The following SETD3 variants were observed in gnomAD, a reference collection of about 807,000 sequenced individuals.
SETD3 encodes the protein actin-histidine N-methyltransferase.
SETD3 carries 19 observed loss-of-function variants against 63.0 expected under a neutral mutation model. The ratio of observed to expected loss-of-function variants is 0.30; its 90% CI spans 0.21 to 0.44. The LOEUF (loss-of-function observed/expected upper bound fraction) is 0.44, where lower values mean the gene tolerates loss of function less well. Ranked by LOEUF, SETD3 falls within the 20% of genes least tolerant of loss-of-function variation. The pLI is 1.00. For synonymous variants in SETD3, 286 were observed against 264.1 expected (o/e 1.08, Z -0.80); for missense variants, 587 against 728.5 (o/e 0.81, Z 2.24).
chr14:99,406,626 C>CA (rs761166385), intron 8 of SETD3, 36 bp from the exon 9 acceptor site: 386 of 1,569,592 alleles, frequency 2.5e-4, no homozygotes, highest in Non-Finnish European at 3.3e-4. Context: ...GATGGTGAGG[C>CA]AAACACACGC....
intron 6 of SETD3, among the ~76,000 whole-genome samples, chr14:99,454,674 G>A (rs904657845): frequency 5.9e-5 from 9 of 152,160 alleles, no homozygotes; most frequent in Non-Finnish European, 1.0e-4. Flanking sequence ...AACTCTGCTC[G>A]CTCAGCAACC....
chr14:99,405,092 G>A (rs1466927550), intron 10 of SETD3, 113 bp downstream of exon 10: 9 of 1,405,658 alleles, frequency 6.4e-6, no homozygotes, highest in Non-Finnish European at 7.6e-6. Flanking sequence ...GGGGATAAAC[G>A]GATTAAGACA....
intron 6 of SETD3, among the ~76,000 whole-genome samples, chr14:99,444,106 T>C (rs921183969): frequency 6.6e-6 from 1 of 152,106 alleles, no homozygotes; most frequent in Non-Finnish European, 1.5e-5. Context: ...AAGCTTGAAA[T>C]CTGAGGTACT....
chr14:99,447,201 G>A (rs965924153), intron 6 of SETD3, among the ~76,000 whole-genome samples: 11 of 152,080 alleles, frequency 7.2e-5, no homozygotes, highest in Admixed American at 5.2e-4. Context: ...TTAAACTCCC[G>A]ACCTCAGGTG....
chr14:99,441,648 G>A (rs1210246481), intron 6 of SETD3, among the ~76,000 whole-genome samples: 1 of 152,234 alleles, frequency 6.6e-6, no homozygotes, highest in African/African-American at 2.4e-5. Context: ...GGGGTCCACA[G>A]CAAAGTCCTG....
chr14:99,454,370 T>C (rs567624173), intron 6 of SETD3, among the ~76,000 whole-genome samples: 201 of 152,182 alleles, frequency 1.3e-3, no homozygotes, highest in Middle Eastern at 3.4e-3. Context: ...TTTGTAGAGA[T>C]GGGTTGCCCA....
At chr14:99,405,910 A>G (rs1314907102) in intron 9 of SETD3, among the ~76,000 whole-genome samples, 2 of 152,226 alleles carry the variant, frequency 1.3e-5, no homozygotes, top group Non-Finnish European at 2.9e-5. Flanking sequence ...TTGCTAGGCA[A>G]GTATTTTTCA....
chr14:99,462,501 A>C (rs1036711895), intron 3 of SETD3, among the ~76,000 whole-genome samples: 3 of 152,222 alleles, frequency 2.0e-5, no homozygotes, highest in African/African-American at 7.2e-5. Flanking sequence ...AGAATGAGGA[A>C]TATTCAAAGA....
chr14:99,444,676 T>C (rs562573557), intron 6 of SETD3, among the ~76,000 whole-genome samples: 12 of 152,188 alleles, frequency 7.9e-5, no homozygotes, highest in East Asian at 1.9e-4. Flanking sequence ...CTGAGCAACA[T>C]GGCAAAAACT....
At chr14:99,436,445 C>T (rs1278088557) in intron 6 of SETD3, among the ~76,000 whole-genome samples, 1 of 152,204 alleles carries the variant, frequency 6.6e-6, no homozygotes, top group Non-Finnish European at 1.5e-5. Flanking sequence ...AGAGCCTGGA[C>T]ATGGCCACCA....
chr14:99,459,179 C>T lies in SETD3; in HGVS notation c.352G>A (p.Glu118Lys). The change falls in exon 5 of 13, where the codon GAA (glutamate) becomes AAA (lysine). Residue 118 changes from glutamate (E) to lysine (K), a missense_variant. Glu to Lys is a moderately conservative substitution (Grantham distance 56). Transcript: ENST00000331768. The part of the protein sequence containing the change: ...LRATRDIKAE[E>K]LFLWVPRKLL... ...TTTCGTGGAACCCATAAAAACAATT[C>T]TTCTGCCTAGGGAAAAAAATAATAA... 6.2e-7 allele frequency: 1 copy of T among 1,608,930 alleles called. No homozygotes were observed. Among genetic ancestry groups the T allele is most frequent in the East Asian group, 2.2e-5 (1 of 44,558 alleles).
chr14:99,406,127 C>T (rs1891667899), intron 9 of SETD3, among the ~76,000 whole-genome samples: 2 of 151,976 alleles, frequency 1.3e-5, no homozygotes, highest in Admixed American at 6.6e-5. Flanking sequence ...TGCTTTTGCC[C>T]CTTAAATACT....
chr14:99,428,234 C>A (rs1397775469), intron 6 of SETD3, among the ~76,000 whole-genome samples: 2 of 152,198 alleles, frequency 1.3e-5, no homozygotes, highest in Admixed American at 1.3e-4. Flanking sequence ...AGTTTGCTGG[C>A]ACTTGAGAGG....
chr14:99,442,676 T>G (rs750541464), intron 6 of SETD3, among the ~76,000 whole-genome samples: 2 of 152,256 alleles, frequency 1.3e-5, no homozygotes, highest in Non-Finnish European at 2.9e-5. Context: ...CTTACTTTAT[T>G]GTAATACAGT....
chr14:99,410,085 G>A (rs1891897348), intron 8 of SETD3: 1 of 828,212 alleles, frequency 1.2e-6, no homozygotes, highest in Non-Finnish European at 2.1e-6. Context: ...TGAGCTGGAG[G>A]CGTAGTCATT....
chr14:99,429,103 C>T (rs887740055), intron 6 of SETD3, among the ~76,000 whole-genome samples: 3 of 152,176 alleles, frequency 2.0e-5, no homozygotes, highest in Admixed American at 6.5e-5. Context: ...TGCCATAATA[C>T]GGTGTCTCCA....
chr14:99,412,865 TG>T, intron 8 of SETD3, 85 bp downstream of exon 8: 1 of 939,226 alleles, frequency 1.1e-6, no homozygotes, highest in East Asian at 2.4e-5. Context: ...GGGAGTACGA[TG>T]GGTAGGTGGA....
At chr14:99,477,823 G>T (rs1318669152) in intron 1 of SETD3, among the ~76,000 whole-genome samples, 1 of 150,028 alleles carries the variant, frequency 6.7e-6, no homozygotes, top group East Asian at 2.0e-4. Flanking sequence ...TATTTTGATA[G>T]AAATTTTTTA....
chr14:99,461,022 G>A (rs1895034046), intron 4 of SETD3, among the ~76,000 whole-genome samples, 170 bp downstream of exon 4: 1 of 152,110 alleles, frequency 6.6e-6, no homozygotes, highest in Non-Finnish European at 1.5e-5. Flanking sequence ...GGATAAGGTG[G>A]GAGGAGCTGC....
Sources: gnomAD v4.1 joint callset for allele counts (sites outside exome capture counted in the v4.1 genomes callset) on GRCh38, gnomAD v4.1.1 for gene constraint, MANE v1.5 for transcripts, NCBI Gene and HGNC (gene_info 2026-07-23, HGNC 2026-07-21) for gene names.